The following LY86 variants were observed in gnomAD, a reference collection of about 807,000 sequenced individuals.
LY86 encodes MD-1, RP105-associated.
Under a neutral mutation model 17.3 loss-of-function variants are expected in LY86, and 20 were observed. That is an observed-to-expected ratio of 1.15 (90% confidence interval 0.81 to 1.68). LY86 has a LOEUF of 1.68. Ranked by LOEUF, LY86 falls within the 40% of genes most tolerant of loss-of-function variation. The pLI, the probability that LY86 is intolerant of heterozygous loss-of-function variation, is 0.00. For synonymous variants in LY86, 74 were observed against 70.6 expected (o/e 1.05, Z -0.24); for missense variants, 200 against 191.9 (o/e 1.04, Z -0.25).
At chr6:6,590,722 A>G (rs965170007) in intron 1 of LY86, among the ~76,000 whole-genome samples, 2 of 152,186 alleles carry the variant, frequency 1.3e-5, no homozygotes, top group Non-Finnish European at 2.9e-5. Flanking sequence ...TTTGAACTAC[A>G]GGAGATGGAA....
intron 3 of LY86, among the ~76,000 whole-genome samples, chr6:6,639,183 C>A (rs1762003545): frequency 6.6e-6 from 1 of 152,116 alleles, no homozygotes; most frequent in Non-Finnish European, 1.5e-5. Context: ...TTTAACAGTC[C>A]ATCCTGAGTT....
chr6:6,593,885 C>G (rs1760617923), intron 1 of LY86, among the ~76,000 whole-genome samples: 1 of 152,172 alleles, frequency 6.6e-6, no homozygotes, highest in Non-Finnish European at 1.5e-5. Flanking sequence ...TGCAAAGGGC[C>G]AAGGCAGAAT....
intron 1 of LY86, among the ~76,000 whole-genome samples, chr6:6,611,483 G>T (rs1298459542): frequency 6.6e-6 from 1 of 152,194 alleles, no homozygotes; most frequent in Non-Finnish European, 1.5e-5. Flanking sequence ...AAGAGCTATA[G>T]AAGTGATCAC....
chr6:6,605,528 C>T (rs7742352), intron 1 of LY86, among the ~76,000 whole-genome samples: 1 of 152,220 alleles, frequency 6.6e-6, no homozygotes, highest in Non-Finnish European at 1.5e-5. Context: ...CTCCCCACAA[C>T]GCTACCCCAT....
At chr6:6,594,023 T>C (rs1252996457) in intron 1 of LY86, among the ~76,000 whole-genome samples, 1 of 152,260 alleles carries the variant, frequency 6.6e-6, no homozygotes, top group African/African-American at 2.4e-5. Flanking sequence ...TGCCATTGTT[T>C]TTGTTACTGG....
At chr6:6,616,650 C>A (rs541723002) in intron 1 of LY86, among the ~76,000 whole-genome samples, 2 of 152,254 alleles carry the variant, frequency 1.3e-5, no homozygotes, top group Admixed American at 6.5e-5. Flanking sequence ...TCAGTTCCTG[C>A]TCACCCATCC....
intron 1 of LY86, among the ~76,000 whole-genome samples, chr6:6,605,259 A>C (rs997716222): frequency 6.8e-6 from 1 of 147,790 alleles, no homozygotes; most frequent in East Asian, 2.1e-4. Flanking sequence ...AAAAACAATA[A>C]GCATTATCAC....
At chr6:6,603,515 G>A (rs1215389686) in intron 1 of LY86, among the ~76,000 whole-genome samples, 2 of 149,968 alleles carry the variant, frequency 1.3e-5, no homozygotes, top group East Asian at 1.9e-4. Context: ...ATATAGCTGA[G>A]CTTGCAATAA....
intron 3 of LY86, among the ~76,000 whole-genome samples, chr6:6,627,788 T>G (rs1293142364): frequency 1.3e-5 from 2 of 152,302 alleles, no homozygotes; most frequent in East Asian, 3.9e-4. Flanking sequence ...TACATTAATA[T>G]TCCAACTTCA....
At chr6:6,646,337 TTGCAG>T (rs1581252863) in intron 3 of LY86, among the ~76,000 whole-genome samples, 1 of 152,122 alleles carries the variant, frequency 6.6e-6, no homozygotes, top group East Asian at 1.9e-4. Flanking sequence ...TACACAAAGT[TTGCAG>T]TGCTGGGGGA....
chr6:6,644,799 A>G (rs893659722), intron 3 of LY86, among the ~76,000 whole-genome samples: 1 of 152,208 alleles, frequency 6.6e-6, no homozygotes, highest in Non-Finnish European at 1.5e-5. Context: ...GGCTCTTTTT[A>G]TAGTCCTGGA....
At chr6:6,605,858 G>GCA (rs1321184851) in intron 1 of LY86, among the ~76,000 whole-genome samples, 1 of 151,738 alleles carries the variant, frequency 6.6e-6, no homozygotes, top group Non-Finnish European at 1.5e-5. Context: ...TCTTAAGGGG[G>GCA]CATCTGGAGC....
At chr6:6,612,038 A>G (rs1333003641) in intron 1 of LY86, among the ~76,000 whole-genome samples, 1 of 128,364 alleles carries the variant, frequency 7.8e-6, no homozygotes, top group Non-Finnish European at 1.7e-5. Context: ...TTGTATTAGG[A>G]GAGAGCAAAT....
Position 6,649,641 on chromosome 6 carries a change from T to C in LY86, c.369T>C (p.Ala123=). ...TTTTTTCAGAGCAGATTTACTATGCTGGGCCTGTCAATAATCCTGAATTTA... is the reference window on the plus strand; with the variant it reads ...TTTTTTCAGAGCAGATTTACTATGCCGGGCCTGTCAATAATCCTGAATTTA... ...GRRKGEQIYY[A]GPVNNPEFTI... is the part of the protein sequence containing the mutation. Residue 123 remains alanine, a synonymous_variant, in exon 4 of 5, where the codon GCT becomes GCC. Coordinates refer to ENST00000230568, the MANE Select transcript of LY86 (RefSeq NM_004271.4). 1 of 1,573,220 alleles carries C rather than the reference T, an allele frequency of 6.4e-7. No homozygotes were observed. Among genetic ancestry groups the C allele is most frequent in the East Asian group, 2.2e-5 (1 of 44,616 alleles).
chr6:6,617,827 G>A (rs1053530063), intron 1 of LY86, among the ~76,000 whole-genome samples: 2 of 152,034 alleles, frequency 1.3e-5, no homozygotes, highest in African/African-American at 4.8e-5. Flanking sequence ...TTTTTGTTTT[G>A]TTTTGTTTTT....
intron 1 of LY86, among the ~76,000 whole-genome samples, chr6:6,605,691 TAAAG>T (rs964007256): frequency 1.2e-4 from 18 of 152,342 alleles, no homozygotes; most frequent in East Asian, 1.9e-4. Context: ...CTCACGGACT[TAAAG>T]AATGAAGCCG....
At chr6:6,627,722 A>G (rs1761816896) in intron 3 of LY86, among the ~76,000 whole-genome samples, 1 of 152,186 alleles carries the variant, frequency 6.6e-6, no homozygotes, top group African/African-American at 2.4e-5. Flanking sequence ...CCCTGTTCTA[A>G]GAGCTTTAGA....
At chr6:6,601,494 A>C (rs1214761658) in intron 1 of LY86, among the ~76,000 whole-genome samples, 1 of 152,186 alleles carries the variant, frequency 6.6e-6, no homozygotes, top group Non-Finnish European at 1.5e-5. Context: ...AGGCCGAGGC[A>C]GGCAGATCAC....
At chr6:6,649,204 C>T (rs1986072) in intron 3 of LY86, among the ~76,000 whole-genome samples, 12 of 152,084 alleles carry the variant, frequency 7.9e-5, no homozygotes, top group Non-Finnish European at 1.5e-5. Context: ...AGATCTCATG[C>T]GACTTATTCA....
Sources: allele counts gnomAD v4.1 joint callset (sites outside exome capture counted in the v4.1 genomes callset), GRCh38; gene constraint gnomAD v4.1.1; transcripts MANE v1.5; gene names NCBI Gene and HGNC (gene_info 2026-07-23, HGNC 2026-07-21).